PLD1: variants seen among roughly 807,000 people sequenced by gnomAD.
PLD1 encodes phospholipase D1.
Under a neutral mutation model 137.1 loss-of-function variants are expected in PLD1, and 112 were observed. The ratio of observed to expected loss-of-function variants is 0.82; its 90% confidence interval spans 0.70 to 0.96. PLD1 has a LOEUF of 0.96. PLD1 is among the 40% of genes least tolerant of loss of function. PLD1 has a pLI of 0.00. For synonymous variants in PLD1, 431 were observed against 454.7 expected (o/e 0.95, Z 0.66); for missense variants, 1,321 against 1,342.0 (o/e 0.98, Z 0.24).
chr3:171,627,964 A>G (rs1412613659), intron 23 of PLD1, among the ~76,000 whole-genome samples: 1 of 151,858 alleles, frequency 6.6e-6, no homozygotes, highest in Non-Finnish European at 1.5e-5. Context: ...GAAAAGCAAG[A>G]GCAAACACAT....
chr3:171,708,768 T>A lies in PLD1; in HGVS notation c.1132A>T (p.Ile378Phe). The A allele has an allele frequency of 6.3e-7, 1 of 1,591,158 alleles. No individual in the cohort carries two copies. The part of the protein sequence containing the change: ...AMEEANEEIF[I>F]TDWWLSPEIF... ...ACAAATACTAACCACCAGTCTGTGA[T>A]AAAAATCTCTTCATTTGCCTCTTCC... Residue 378 changes from isoleucine to phenylalanine, a missense_variant, in exon 11 of 27, where the codon ATC (isoleucine) becomes TTC (phenylalanine). Ile to Phe is a conservative substitution (Grantham distance 21). Coordinates refer to ENST00000351298, the MANE Select transcript of PLD1 (RefSeq NM_002662.5).
intron 22 of PLD1, 29 bp downstream of exon 22, chr3:171,644,881 T>C: frequency 2.2e-6 from 3 of 1,376,900 alleles, no homozygotes; most frequent in Non-Finnish European, 3.1e-6. Context: ...GACCGAAAGC[T>C]CAAAATAGAC....
In PLD1 at chr3:171,728,028, A is replaced by G. The variant is rs544009602; in HGVS notation, c.607-1952T>C. ...TGAGAATTTAAAAAGTCAAGGTCTC[A>G]GTCAGGCATAGTGGCTCACGCCTGT... On this transcript the variant is annotated intron_variant, in intron 6 of 26. Transcript: ENST00000351298. Among the ~76,000 whole-genome samples the G allele has an allele frequency of 2.4e-4, 36 of 152,306 alleles. 1 individual carries two copies. In the South Asian group the frequency reaches 7.5e-3, roughly 32 times the overall value.
In PLD1 at chr3:171,669,154, T is replaced by C. The variant is rs78962667; in HGVS notation, c.2229+5346A>G. 4.7e-3 allele frequency among the ~76,000 whole-genome samples: 720 copies of C among 152,288 alleles called. 3 individuals are homozygous for C. The highest frequency in any genetic ancestry group is 0.017 in the African/African-American group (696 of 41,548). On this transcript the variant is annotated intron_variant, in intron 19 of 26. Coordinates refer to ENST00000351298, the MANE Select transcript of PLD1 (RefSeq NM_002662.5). ...TCCATACTGCCTGCCGTAGCTCCCC[T>C]CTCCCTGGCTGGCTGTGTCTCCCCC...
chr3:171,710,552 G>A lies in PLD1; in HGVS notation c.912-843C>T, dbSNP rs1258370372. On this transcript the variant is annotated intron_variant, in intron 9 of 26. Transcript: ENST00000351298. ...GAGAATCTGATGCTGTGGCTGATCT[G>A]ACAGAAGGCGGAACTCAGGTGGTAA... Among the ~76,000 whole-genome samples, 3 of 152,206 alleles carry A rather than the reference G, an allele frequency of 2.0e-5. No homozygotes were observed. The East Asian group carries it at 5.8e-4, about 29-fold the overall frequency.
chr3:171,771,334 T>G (rs900349656), intron 1 of PLD1: 3 of 152,348 alleles, frequency 2.0e-5, no homozygotes, highest in African/African-American at 7.2e-5. Flanking sequence ...GGCAAAGCCT[T>G]CCTGTTCCCA....
intron 13 of PLD1, among the ~76,000 whole-genome samples, chr3:171,692,073 G>T (rs190146749): frequency 4.2e-4 from 64 of 152,226 alleles, no homozygotes; most frequent in Non-Finnish European, 7.4e-4. Context: ...CAAAACAACT[G>T]CAGGAAACAT....
intron 3 of PLD1, among the ~76,000 whole-genome samples, chr3:171,736,628 C>A (rs1400362482): frequency 6.6e-6 from 1 of 152,078 alleles, no homozygotes; most frequent in African/African-American, 2.4e-5. Flanking sequence ...CAGCACCAGG[C>A]AAAACCACCC....
chr3:171,698,463 T>C (rs1715951593), intron 12 of PLD1, among the ~76,000 whole-genome samples: 1 of 152,152 alleles, frequency 6.6e-6, no homozygotes, highest in Non-Finnish European at 1.5e-5. Flanking sequence ...GGTCTGACTA[T>C]ATTTGTGGAT....
intron 1 of PLD1, among the ~76,000 whole-genome samples, chr3:171,744,015 C>G (rs570242272): frequency 6.6e-6 from 1 of 152,186 alleles, no homozygotes; most frequent in Non-Finnish European, 1.5e-5. Flanking sequence ...ATGTAGAAGC[C>G]TTCTGGTTGA....
chr3:171,709,509 A>G, intron 10 of PLD1, 51 bp downstream of exon 10: 1 of 1,525,352 alleles, frequency 6.6e-7, no homozygotes, highest in Non-Finnish European at 9.0e-7. Flanking sequence ...AGGCCAGTGT[A>G]ATATTAGATG....
chr3:171,673,966 G>A (rs1713064162), intron 19 of PLD1, among the ~76,000 whole-genome samples: 1 of 151,672 alleles, frequency 6.6e-6, no homozygotes, highest in Non-Finnish European at 1.5e-5. Flanking sequence ...TAACTAGCTG[G>A]CCGGCCCTAG....
intron 19 of PLD1, among the ~76,000 whole-genome samples, chr3:171,674,129 T>C (rs1713083041): frequency 6.6e-6 from 1 of 152,228 alleles, no homozygotes; most frequent in Admixed American, 6.5e-5. Flanking sequence ...GGAACTAAAA[T>C]TAGACTGAAC....
chr3:171,622,552 T>G (rs1310467258), intron 23 of PLD1, among the ~76,000 whole-genome samples: 1 of 152,008 alleles, frequency 6.6e-6, no homozygotes, highest in Non-Finnish European at 1.5e-5. Flanking sequence ...TGGAAAGCTT[T>G]TGACACAATT....
rs1025419776 is a variant in PLD1 at position 171,670,145 on chromosome 3, T to C, written c.2229+4355A>G. Among the ~76,000 whole-genome samples, 20 of 148,498 alleles carry C rather than the reference T, an allele frequency of 1.3e-4. No individual in the cohort carries two copies. In the Admixed American group the frequency reaches 1.4e-3, roughly 10 times the overall value. On this transcript the variant is annotated intron_variant, in intron 19 of 26. Coordinates refer to ENST00000351298, the MANE Select transcript of PLD1 (RefSeq NM_002662.5). ...GGTTTGTGTAGGCGGGTACAGGGAATAGGGTGGAGATAAAGAGAGGATGGT... is the reference window on the plus strand; with the variant it reads ...GGTTTGTGTAGGCGGGTACAGGGAACAGGGTGGAGATAAAGAGAGGATGGT...
At chr3:171,771,762 T>G (rs1722363719) in intron 1 of PLD1, among the ~76,000 whole-genome samples, 1 of 152,256 alleles carries the variant, frequency 6.6e-6, no homozygotes, top group Non-Finnish European at 1.5e-5. Context: ...TTATCATTTC[T>G]GAGAATCAAA....
intron 8 of PLD1, among the ~76,000 whole-genome samples, chr3:171,722,572 A>G (rs767145016): frequency 3.3e-5 from 5 of 152,192 alleles, no homozygotes; most frequent in Non-Finnish European, 7.4e-5. Flanking sequence ...GAATGATAAA[A>G]CATGTGCCTT....
chr3:171,602,736 A>T lies in PLD1; in HGVS notation c.*342T>A, dbSNP rs1731916533. The T allele has an allele frequency of 3.7e-6, 1 of 268,548 alleles. No individual in the cohort carries two copies. Among genetic ancestry groups the T allele is most frequent in the Non-Finnish European group, 7.1e-6 (1 of 140,122 alleles). The allele number at this position is 268,548 out of a possible 1,614,324, so 16.6% of individuals were successfully genotyped here. ...CAGAGAAGAATAAGGAGATTCAGAC[A>T]ACTTTTGGCAACCTAGATCACAGTT... On this transcript the variant is annotated 3_prime_UTR_variant, in exon 27 of 27. Transcript: ENST00000351298.
intron 1 of PLD1, among the ~76,000 whole-genome samples, chr3:171,807,193 C>T (rs1723884183): frequency 6.6e-6 from 1 of 152,040 alleles, no homozygotes; most frequent in Non-Finnish European, 1.5e-5. Flanking sequence ...CCTCTAGTTC[C>T]AGCTACTCAG....
Sources: allele counts gnomAD v4.1 joint callset (sites outside exome capture counted in the v4.1 genomes callset), GRCh38; gene constraint gnomAD v4.1.1; transcripts MANE v1.5; gene names NCBI Gene and HGNC (gene_info 2026-07-23, HGNC 2026-07-21).